ATP7A: variants seen among roughly 807,000 people sequenced by gnomAD.
ATP7A encodes the protein ATPase copper transporting alpha, also known as copper-transporting ATPase 1.
ATP7A carries 7 observed loss-of-function variants against 83.5 expected under a neutral mutation model. That is an observed-to-expected ratio of 0.08 (90% CI 0.05 to 0.16). The LOEUF (loss-of-function observed/expected upper bound fraction) is 0.16, where lower values mean the gene tolerates loss of function less well. Ranked by LOEUF, ATP7A falls within the 10% of genes least tolerant of loss-of-function variation. The pLI, the probability that ATP7A is intolerant of heterozygous loss-of-function variation, is 1.00. For synonymous variants in ATP7A, 354 were observed against 395.2 expected, an observed-to-expected ratio of 0.90 and a Z score of 1.24; for missense variants, 940 against 1,120.8, an observed-to-expected ratio of 0.84 and a Z score of 2.30.
intron 18 of ATP7A, among the ~76,000 whole-genome samples, chrX:78,039,531 A>G (rs1034923066): frequency 3.6e-5 from 4 of 110,805 alleles, no homozygotes; most frequent in Non-Finnish European, 7.6e-5. Flanking sequence ...ATGGGGTTTC[A>G]CCATCTTGGC....
At chrX:78,023,524 G>C (rs182422910) in intron 14 of ATP7A, among the ~76,000 whole-genome samples, 17 of 110,377 alleles carry the variant, frequency 1.5e-4, no homozygotes, top group East Asian at 8.5e-4. Context: ...ATTTCATTGT[G>C]GTTTTAAGTT....
At chrX:77,934,631 C>T (rs2077310182) in intron 1 of ATP7A, among the ~76,000 whole-genome samples, 1 of 110,741 alleles carries the variant, frequency 9.0e-6, no homozygotes, top group Non-Finnish European at 1.9e-5. Context: ...TGATTGCAAC[C>T]CATCACATGA....
intron 16 of ATP7A, among the ~76,000 whole-genome samples, chrX:78,032,770 G>T (rs1214982352): frequency 2.7e-5 from 3 of 111,144 alleles, no homozygotes; most frequent in Non-Finnish European, 3.8e-5. Flanking sequence ...TTATTTATTT[G>T]TTCTTTCTCT....
In ATP7A at chrX:77,961,411, G is replaced by A. The variant is rs139544450; in HGVS notation, c.-21-10210G>A. Among the ~76,000 whole-genome samples the A allele has an allele frequency of 5.4e-5, 6 of 111,694 alleles. No homozygotes were observed. The East Asian group carries it at 1.1e-3, about 21-fold the overall frequency. Reference sequence around the variant, plus strand: ...CTAGCCTTCACCTACCAAAGGTATTGTATTCTAAAAGTTTGTTGCCAATTC... The same window carrying A: ...CTAGCCTTCACCTACCAAAGGTATTATATTCTAAAAGTTTGTTGCCAATTC... On this transcript the variant is annotated intron_variant, in intron 1 of 22. Transcript: ENST00000341514.
At chrX:77,953,496 G>A (rs2077424987) in intron 1 of ATP7A, among the ~76,000 whole-genome samples, 1 of 111,689 alleles carries the variant, frequency 9.0e-6, no homozygotes, top group Non-Finnish European at 1.9e-5. Context: ...ATTTCAAGTA[G>A]TTGAATTCTA....
chrX:78,019,261 C>G (rs1203514834), intron 12 of ATP7A, among the ~76,000 whole-genome samples: 2 of 111,570 alleles, frequency 1.8e-5, no homozygotes, highest in Non-Finnish European at 3.8e-5. Flanking sequence ...TGACACGAGT[C>G]CAGGTTTTCC....
intron 22 of ATP7A, 23 bp downstream of exon 22, chrX:78,045,595 A>G: frequency 8.7e-7 from 1 of 1,147,203 alleles, no homozygotes; most frequent in Non-Finnish European, 1.2e-6. Context: ...GCTTGCTCAC[A>G]TTTGTATTTT....
intron 4 of ATP7A, among the ~76,000 whole-genome samples, chrX:77,996,036 T>C (rs7884871): frequency 0.47 from 52,024 of 111,158 alleles, 11,202 homozygotes; most frequent in African/African-American, 0.86. Context: ...TGAGCCACCG[T>C]GCCCAGCCGT....
chrX:77,978,774 T>C (rs1352637335), intron 2 of ATP7A, among the ~76,000 whole-genome samples: 5 of 111,958 alleles, frequency 4.5e-5, no homozygotes, highest in Non-Finnish European at 9.4e-5. Context: ...AAAATGTTAT[T>C]GTTATGGATT....
chrX:77,920,784 G>A (rs1170280347), intron 1 of ATP7A, among the ~76,000 whole-genome samples: 2 of 111,359 alleles, frequency 1.8e-5, no homozygotes, highest in South Asian at 3.8e-4. Flanking sequence ...AGAAGTGCAT[G>A]TCTCTTTTTG....
intron 4 of ATP7A, among the ~76,000 whole-genome samples, chrX:77,997,006 T>C (rs142480879): frequency 9.0e-6 from 1 of 111,658 alleles, no homozygotes; most frequent in African/African-American, 3.2e-5. Flanking sequence ...TCTCACAATC[T>C]GAATCAGTAT....
At chrX:77,996,317 C>T (rs1231232081) in intron 4 of ATP7A, among the ~76,000 whole-genome samples, 1 of 111,370 alleles carries the variant, frequency 9.0e-6, no homozygotes, top group Non-Finnish European at 1.9e-5. Flanking sequence ...CACACTACAC[C>T]AGAGGCTGAA....
At chrX:77,915,306 G>A (rs2077179405) in intron 1 of ATP7A, among the ~76,000 whole-genome samples, 1 of 108,008 alleles carries the variant, frequency 9.3e-6, no homozygotes, top group African/African-American at 3.4e-5. Context: ...GAGAGTGACA[G>A]AGTGAGACCC....
intron 17 of ATP7A, among the ~76,000 whole-genome samples, chrX:78,038,223 A>G (rs1445256109): frequency 1.8e-5 from 2 of 109,276 alleles, no homozygotes; most frequent in Non-Finnish European, 3.8e-5. Flanking sequence ...GGATGCGGCA[A>G]TGAGAGCTGT....
intron 1 of ATP7A, chrX:77,964,363 A>G (rs1243887741): frequency 2.7e-5 from 3 of 112,008 alleles, no homozygotes; most frequent in East Asian, 5.6e-4. Context: ...TGGTGCATTG[A>G]AAGGCTGCAG....
chrX:78,003,066 C>T lies in ATP7A; in HGVS notation c.1544-7C>T, dbSNP rs2149090207. ...ATCTGTATTGTTTTTCTTATCAATG[C>T]TCTTAGGAATATATTCTATACTTGT... On this transcript the variant is annotated splice_polypyrimidine_tract_variant and splice_region_variant and intron_variant, in intron 5 of 22. Coordinates refer to ENST00000341514, the MANE Select transcript of ATP7A (RefSeq NM_000052.7). 1 of 1,204,916 alleles carries T rather than the reference C, an allele frequency of 8.3e-7. No individual in the cohort carries two copies. Among genetic ancestry groups the T allele is most frequent in the African/African-American group, 1.7e-5 (1 of 57,432 alleles).
At chrX:77,959,180 AT>A (rs1242782798) in intron 1 of ATP7A, among the ~76,000 whole-genome samples, 1 of 109,010 alleles carries the variant, frequency 9.2e-6, no homozygotes, top group Non-Finnish European at 1.9e-5. Context: ...TGTAAATGGA[AT>A]TTTTTTTTCA....
At chrX:78,021,274 T>C (rs1213646686) in intron 14 of ATP7A, among the ~76,000 whole-genome samples, 195 bp downstream of exon 14, 2 of 112,035 alleles carry the variant, frequency 1.8e-5, no homozygotes, top group Non-Finnish European at 3.8e-5. Flanking sequence ...TTATGACTGG[T>C]GATTTTCCAA....
At chrX:78,028,698 G>C (rs1319813137) in intron 14 of ATP7A, among the ~76,000 whole-genome samples, 1 of 112,380 alleles carries the variant, frequency 8.9e-6, no homozygotes, top group African/African-American at 3.2e-5. Context: ...GGATGTCTTA[G>C]ATTTCTTCTA....
Sources: gnomAD v4.1 joint callset for allele counts (sites outside exome capture counted in the v4.1 genomes callset) on GRCh38, gnomAD v4.1.1 for gene constraint, MANE v1.5 for transcripts, NCBI Gene and HGNC (gene_info 2026-07-23, HGNC 2026-07-21) for gene names.